DAOA: variants seen among roughly 807,000 people sequenced by gnomAD.
The protein encoded by DAOA is D-amino acid oxidase regulator.
DAOA carries 15 observed loss-of-function variants against 16.4 expected under a neutral mutation model. That is an observed-to-expected ratio of 0.91 (90% CI 0.61 to 1.41). DAOA has a LOEUF of 1.41. Among genes scored for constraint, DAOA ranks in the 40% most tolerant of loss-of-function variants. DAOA has a pLI of 0.00. For synonymous variants in DAOA, 75 were observed against 59.1 expected, an observed-to-expected ratio of 1.27 and a Z score of -1.23; for missense variants, 230 against 176.8, an observed-to-expected ratio of 1.30 and a Z score of -1.71.
At chr13:105,489,715 A>AC in intron 4 of DAOA, 186 bp from the exon 5 acceptor site, 3 of 1,313,878 alleles carry the variant, frequency 2.3e-6, no homozygotes, top group Non-Finnish European at 3.1e-6. Flanking sequence ...TGGCAGTTAG[A>AC]CCCTAAGTGA....
chr13:105,474,783 A>C (rs1877225518), intron 4 of DAOA, among the ~76,000 whole-genome samples: 1 of 152,164 alleles, frequency 6.6e-6, no homozygotes, highest in South Asian at 2.1e-4. Context: ...AGCCAGAGTC[A>C]AAATTTTGGT....
chr13:105,466,970 C>T (rs1876565021), intron 2 of DAOA, 83 bp from the exon 3 acceptor site: 10 of 1,489,064 alleles, frequency 6.7e-6, no homozygotes, highest in South Asian at 1.5e-5. Flanking sequence ...ATGTTATATG[C>T]TCCATTGATG....
At chr13:105,471,099 A>G (rs1431018194) in intron 3 of DAOA, among the ~76,000 whole-genome samples, 1 of 151,602 alleles carries the variant, frequency 6.6e-6, no homozygotes, top group Non-Finnish European at 1.5e-5. Flanking sequence ...ATTTTTTTGT[A>G]TTCTTAGTAG....
chr13:105,472,447 A>G, intron 3 of DAOA, 91 bp from the exon 4 acceptor site: 1 of 1,420,190 alleles, frequency 7.0e-7, no homozygotes, highest in Non-Finnish European at 9.3e-7. Flanking sequence ...GACAATTCCT[A>G]CAATCGCTCC....
chr13:105,470,093 G>A (rs531131945), intron 3 of DAOA, among the ~76,000 whole-genome samples: 5 of 147,682 alleles, frequency 3.4e-5, no homozygotes, highest in African/African-American at 1.0e-4. Context: ...TTCTTTACTG[G>A]ATTAATCATC....
At chr13:105,483,158 G>A (rs1287052438) in intron 4 of DAOA, among the ~76,000 whole-genome samples, 1 of 152,024 alleles carries the variant, frequency 6.6e-6, no homozygotes, top group Non-Finnish European at 1.5e-5. Flanking sequence ...GCTCTATTTT[G>A]TTTGGATTCT....
At chr13:105,484,973 C>A (rs557345655) in intron 4 of DAOA, among the ~76,000 whole-genome samples, 18 of 152,070 alleles carry the variant, frequency 1.2e-4, no homozygotes, top group Non-Finnish European at 2.4e-4. Flanking sequence ...CTAAAACCAT[C>A]GTTTCAAATG....
chr13:105,482,052 A>T (rs1297161029), intron 4 of DAOA, among the ~76,000 whole-genome samples: 1 of 152,066 alleles, frequency 6.6e-6, no homozygotes, highest in Non-Finnish European at 1.5e-5. Context: ...CTGTGTAGAA[A>T]AATTCCCCTT....
chr13:105,472,498 A>G (rs1325460721), intron 3 of DAOA, 40 bp from the exon 4 acceptor site: 7 of 1,589,984 alleles, frequency 4.4e-6, no homozygotes, highest in Non-Finnish European at 6.0e-6. Flanking sequence ...GATGTGATAG[A>G]GTTAATATGT....
chr13:105,489,144 A>G (rs956821863), intron 4 of DAOA, among the ~76,000 whole-genome samples: 5 of 152,188 alleles, frequency 3.3e-5, no homozygotes, highest in African/African-American at 9.7e-5. Context: ...GTTGGTTGGA[A>G]GTAACATCTG....
At chr13:105,479,676 T>C (rs548998496) in intron 4 of DAOA, among the ~76,000 whole-genome samples, 84 of 152,324 alleles carry the variant, frequency 5.5e-4, no homozygotes, top group African/African-American at 2.0e-3. Context: ...GAGCCCACTC[T>C]ACTCTAGTAT....
intron 4 of DAOA, among the ~76,000 whole-genome samples, chr13:105,484,778 A>G (rs1462072033): frequency 1.3e-5 from 2 of 152,090 alleles, no homozygotes; most frequent in African/African-American, 4.8e-5. Context: ...CCTCCTATAC[A>G]ATTTGGATGC....
chr13:105,466,941 T>C (rs774735754), intron 2 of DAOA, 112 bp from the exon 3 acceptor site: 1 of 1,301,212 alleles, frequency 7.7e-7, no homozygotes, highest in East Asian at 2.8e-5. Context: ...ATTAAAAATA[T>C]GAAAGTGCTA....
At chr13:105,481,308 C>T (rs1417180734) in intron 4 of DAOA, among the ~76,000 whole-genome samples, 2 of 152,056 alleles carry the variant, frequency 1.3e-5, no homozygotes, top group Admixed American at 6.6e-5. Context: ...CCATTATCAT[C>T]CCACTTTAAA....
At position 105,489,983 on chromosome 13, in the gene DAOA, C is replaced by T. The variant is rs373343564; in HGVS notation, c.364C>T (p.Arg122Cys). Residue 122 changes from arginine to cysteine, a missense_variant, in exon 5 of 6, where the codon CGC becomes TGC. Coordinates refer to ENST00000375936, the MANE Select transcript of DAOA (RefSeq NM_172370.5). ...CCTTGCCTATGAGGCCTCTAAGGAC[C>T]GCAGGCAGCCTCTAGAACGAATGTG... is the stretch of plus-strand genomic sequence containing the variant. Reference protein sequence around the residue: ...EFLAYEASKDRRQPLERMWTC... With the variant: ...EFLAYEASKDCRQPLERMWTC... 1.7e-5 allele frequency: 27 copies of T among 1,613,148 alleles called. No homozygotes were observed. In the South Asian group the frequency reaches 2.1e-4, roughly 12 times the overall value.
chr13:105,483,321 A>G (rs1339235014), intron 4 of DAOA, among the ~76,000 whole-genome samples: 4 of 152,190 alleles, frequency 2.6e-5, no homozygotes, highest in Non-Finnish European at 5.9e-5. Flanking sequence ...TTTGTGTAGA[A>G]GTCTTATAAT....
intron 4 of DAOA, among the ~76,000 whole-genome samples, chr13:105,483,623 T>C (rs9558569): frequency 0.33 from 50,554 of 151,968 alleles, 10,091 homozygotes; most frequent in East Asian, 0.59. Flanking sequence ...TGAGCATCTT[T>C]TCATATGCAT....
intron 4 of DAOA, among the ~76,000 whole-genome samples, chr13:105,479,452 G>C (rs1012565706): frequency 6.6e-6 from 1 of 152,146 alleles, no homozygotes; most frequent in Non-Finnish European, 1.5e-5. Context: ...CATAGTTCTG[G>C]AGGGTAGAAG....
intron 4 of DAOA, among the ~76,000 whole-genome samples, chr13:105,476,244 A>G (rs1877319885): frequency 6.6e-6 from 1 of 152,148 alleles, no homozygotes. Context: ...TCTAGAAATT[A>G]GCCTGGGAAC....
Sources: allele counts gnomAD v4.1 joint callset (sites outside exome capture counted in the v4.1 genomes callset), GRCh38; gene constraint gnomAD v4.1.1; transcripts MANE v1.5; gene names NCBI Gene and HGNC (gene_info 2026-07-23, HGNC 2026-07-21).